Variants in R3HDM1 observed in about 807,000 individuals in gnomAD.
R3HDM1 encodes R3H domain-containing protein 1.
A neutral mutation model predicts 141.1 loss-of-function variants in R3HDM1; 46 were observed. That is an observed-to-expected ratio of 0.33 (90% CI 0.26 to 0.42). R3HDM1 has a LOEUF of 0.42. Among genes scored for constraint, R3HDM1 ranks in the 10% least tolerant of loss-of-function variants. The pLI, the probability that R3HDM1 is intolerant of heterozygous loss-of-function variation, is 1.00. For missense variants in R3HDM1, 1,184 were observed against 1,368.3 expected (o/e 0.87, Z 2.12); for synonymous variants, 435 against 472.9 (o/e 0.92, Z 1.04).
At chr2:135,650,990 C>T in intron 17 of R3HDM1, 1 of 985,312 alleles carries the variant, frequency 1.0e-6, no homozygotes, top group Non-Finnish European at 1.2e-6. Context: ...TTTTCTGGAA[C>T]AATAAGAGCT....
intron 1 of R3HDM1, among the ~76,000 whole-genome samples, chr2:135,549,119 A>T (rs1033038022): frequency 2.6e-5 from 4 of 152,214 alleles, no homozygotes; most frequent in African/African-American, 9.7e-5. Flanking sequence ...CTTTAGGTAA[A>T]TAGGTGTTTA....
At chr2:135,708,914 G>A (rs1257557954) in intron 21 of R3HDM1, among the ~76,000 whole-genome samples, 3 of 136,736 alleles carry the variant, frequency 2.2e-5, no homozygotes, top group African/African-American at 8.0e-5. Flanking sequence ...AACTGAGATC[G>A]TACCACTGCT....
chr2:135,591,572 T>C, intron 1 of R3HDM1, among the ~76,000 whole-genome samples: 1 of 152,190 alleles, frequency 6.6e-6, no homozygotes, highest in East Asian at 1.9e-4. Flanking sequence ...GCCAACATTA[T>C]CATGCTATGA....
intron 1 of R3HDM1, among the ~76,000 whole-genome samples, chr2:135,574,119 TTAATCA>T (rs1704802433): frequency 6.6e-6 from 1 of 152,152 alleles, no homozygotes; most frequent in South Asian, 2.1e-4. Flanking sequence ...GTTAGCTAAC[TTAATCA>T]TGTAAAGGAA....
chr2:135,651,796 G>A lies in R3HDM1; in HGVS notation c.1792G>A (p.Asp598Asn). 2.5e-6 allele frequency: 4 copies of A among 1,614,080 alleles called. No homozygotes were observed. The highest frequency in any genetic ancestry group is 3.4e-6 in the Non-Finnish European group (4 of 1,180,010). The change falls in exon 18 of 27, where the codon GAC (aspartate) becomes AAC (asparagine). Residue 598 changes from aspartate to asparagine, a missense_variant. By Grantham distance (23) the Asp-to-Asn change is conservative (BLOSUM62 1). Coordinates refer to ENST00000683871, the MANE Select transcript of R3HDM1 (RefSeq NM_001378107.1). Reference sequence around the variant, plus strand: ...TCGCCAGCCATCTGCTGATGGTTCTGACCCTCATGCCGCCATGTTCCAGTC... The same window carrying A: ...TCGCCAGCCATCTGCTGATGGTTCTAACCCTCATGCCGCCATGTTCCAGTC... ...LARQPSADGS[D>N]PHAAMFQSTV...
chr2:135,722,602 TCTAAAAATACACCAC>T, intron 26 of R3HDM1, 49 bp downstream of exon 26: 2 of 1,539,700 alleles, frequency 1.3e-6, no homozygotes, highest in Non-Finnish European at 1.8e-6. Flanking sequence ...CTGGTGACAG[TCTAAAAATACACCAC>T]AGCACAGAAA....
chr2:135,642,704 C>T (rs1014715261), intron 15 of R3HDM1, among the ~76,000 whole-genome samples: 1 of 152,048 alleles, frequency 6.6e-6, no homozygotes. Context: ...CAGGCAGATA[C>T]GGGTGGGAGT....
chr2:135,693,361 C>G (rs1244469024), intron 21 of R3HDM1, among the ~76,000 whole-genome samples: 1 of 142,590 alleles, frequency 7.0e-6, no homozygotes, highest in Admixed American at 7.0e-5. Flanking sequence ...TGATAGCCAG[C>G]AAAAAAAAAA....
At chr2:135,574,407 A>G (rs113635757) in intron 1 of R3HDM1, among the ~76,000 whole-genome samples, 4 of 152,258 alleles carry the variant, frequency 2.6e-5, no homozygotes, top group South Asian at 2.1e-4. Flanking sequence ...GAGCAATTCT[A>G]TCAGACCTTC....
intron 21 of R3HDM1, among the ~76,000 whole-genome samples, chr2:135,682,055 A>T (rs543865943): frequency 6.7e-6 from 1 of 149,624 alleles, no homozygotes; most frequent in African/African-American, 2.5e-5. Flanking sequence ...ACCCTGATAA[A>T]TCTAAGTTTG....
intron 24 of R3HDM1, among the ~76,000 whole-genome samples, chr2:135,720,804 T>C (rs1212784640): frequency 6.6e-6 from 1 of 152,240 alleles, no homozygotes; most frequent in African/African-American, 2.4e-5. Flanking sequence ...TACATGCATA[T>C]ATTATATGCA....
intron 1 of R3HDM1, among the ~76,000 whole-genome samples, chr2:135,567,522 C>T (rs527817920): frequency 1.3e-5 from 2 of 152,192 alleles, no homozygotes; most frequent in South Asian, 2.1e-4. Context: ...GAGTATTTCA[C>T]CTGTTCGCCT....
intron 3 of R3HDM1, chr2:135,605,253 T>TA (rs2059947096): frequency 3.9e-6 from 1 of 258,386 alleles, no homozygotes; most frequent in Non-Finnish European, 7.3e-6. Context: ...ATTGGCTTTC[T>TA]ACTTTCTCAT....
intron 1 of R3HDM1, among the ~76,000 whole-genome samples, chr2:135,542,907 TTA>T (rs1697924336): frequency 6.6e-6 from 1 of 152,134 alleles, no homozygotes; most frequent in African/African-American, 2.4e-5. Context: ...CTGCTAGTAT[TTA>T]TATTTCTAGT....
intron 1 of R3HDM1, 24 bp downstream of exon 1, chr2:135,531,657 C>T (rs1214644389): frequency 5.1e-6 from 5 of 986,142 alleles, no homozygotes; most frequent in East Asian, 1.1e-4. Context: ...TTCCCTCCCC[C>T]GTCCAGCTCC....
At chr2:135,667,607 T>G (rs2067723330) in intron 19 of R3HDM1, 1 of 957,912 alleles carries the variant, frequency 1.0e-6, no homozygotes, top group African/African-American at 1.8e-5. Flanking sequence ...AAATATACTT[T>G]TTAGTGAAGA....
At chr2:135,622,422 T>A (rs1432920576) in intron 6 of R3HDM1, 7 of 984,446 alleles carry the variant, frequency 7.1e-6, no homozygotes, top group Admixed American at 6.1e-5. Flanking sequence ...AGGTTAATTT[T>A]TTTTTAAGAA....
At chr2:135,558,578 T>G (rs1278330732) in intron 1 of R3HDM1, among the ~76,000 whole-genome samples, 1 of 152,228 alleles carries the variant, frequency 6.6e-6, no homozygotes, top group Non-Finnish European at 1.5e-5. Flanking sequence ...GTGTTAGTCT[T>G]TATTGTCATT....
intron 21 of R3HDM1, among the ~76,000 whole-genome samples, chr2:135,698,210 A>C (rs910199447): frequency 5.6e-5 from 8 of 141,694 alleles, no homozygotes; most frequent in Middle Eastern, 3.9e-3. Flanking sequence ...CCCAGGCTGG[A>C]GTGCAGTGGT....
Sources: allele counts gnomAD v4.1 joint callset (sites outside exome capture counted in the v4.1 genomes callset), GRCh38; gene constraint gnomAD v4.1.1; transcripts MANE v1.5; gene names NCBI Gene and HGNC (gene_info 2026-07-23, HGNC 2026-07-21).